The following STAG1 variants were observed in gnomAD, a reference collection of about 807,000 sequenced individuals.
The protein encoded by STAG1 is STAG1 cohesin complex component.
Under a neutral mutation model 170.9 loss-of-function variants are expected in STAG1, and 26 were observed. That is an observed-to-expected ratio of 0.15 (90% CI 0.11 to 0.21). STAG1 has a LOEUF of 0.21. Among genes scored for constraint, STAG1 ranks in the 10% least tolerant of loss-of-function variants. The pLI, the probability that STAG1 is intolerant of heterozygous loss-of-function variation, is 1.00. For missense variants in STAG1, 964 were observed against 1,509.5 expected (o/e 0.64, Z 5.99); for synonymous variants, 514 against 497.7 (o/e 1.03, Z -0.44).
chr3:136,660,841 C>G (rs531116128), intron 1 of STAG1, among the ~76,000 whole-genome samples: 1 of 152,084 alleles, frequency 6.6e-6, no homozygotes, highest in Admixed American at 6.6e-5. Flanking sequence ...TAGTGGTACA[C>G]GCCTGTAGTC....
chr3:136,464,344 A>T (rs1460773173), intron 13 of STAG1, among the ~76,000 whole-genome samples: 1 of 151,952 alleles, frequency 6.6e-6, no homozygotes, highest in Non-Finnish European at 1.5e-5. Flanking sequence ...AATCGCTTGA[A>T]CCTGGGAGGC....
chr3:136,379,149 T>A (rs981458778), intron 22 of STAG1, among the ~76,000 whole-genome samples: 2 of 152,184 alleles, frequency 1.3e-5, no homozygotes, highest in African/African-American at 2.4e-5. Flanking sequence ...AAATATCTAA[T>A]AACTAAACTT....
intron 9 of STAG1, among the ~76,000 whole-genome samples, chr3:136,496,163 CA>C (rs1030925384): frequency 6.6e-6 from 1 of 151,526 alleles, no homozygotes; most frequent in Admixed American, 6.6e-5. Flanking sequence ...AACAAACAAA[CA>C]AAAAAACCCC....
At chr3:136,469,722 T>G (rs544393437) in intron 12 of STAG1, among the ~76,000 whole-genome samples, 4 of 152,312 alleles carry the variant, frequency 2.6e-5, no homozygotes, top group Non-Finnish European at 5.9e-5. Flanking sequence ...TCAGGCTATC[T>G]GACTTCAAAC....
At chr3:136,627,142 C>G (rs1331680378) in intron 2 of STAG1, among the ~76,000 whole-genome samples, 1 of 152,228 alleles carries the variant, frequency 6.6e-6, no homozygotes, top group African/African-American at 2.4e-5. Context: ...ATGCTGCCAA[C>G]TGCAGTCAGC....
intron 2 of STAG1, among the ~76,000 whole-genome samples, chr3:136,624,669 T>TTG (rs2107832690): frequency 6.6e-6 from 1 of 152,340 alleles, no homozygotes; most frequent in African/African-American, 2.4e-5. Flanking sequence ...TCTGCATTGT[T>TTG]AACAATTTCT....
intron 1 of STAG1, among the ~76,000 whole-genome samples, chr3:136,667,516 ATTGT>A (rs1941828121): frequency 6.6e-6 from 1 of 152,166 alleles, no homozygotes; most frequent in African/African-American, 2.4e-5. Context: ...GAAGGGGTGG[ATTGT>A]TTATTTTTCA....
intron 12 of STAG1, among the ~76,000 whole-genome samples, chr3:136,471,965 G>A (rs553469924): frequency 1.3e-5 from 2 of 152,080 alleles, no homozygotes; most frequent in Non-Finnish European, 2.9e-5. Flanking sequence ...AGCCTCCTAA[G>A]TAGCTAGGAC....
intron 22 of STAG1, among the ~76,000 whole-genome samples, chr3:136,378,840 A>G (rs1937763560): frequency 6.6e-6 from 1 of 152,208 alleles, no homozygotes; most frequent in Non-Finnish European, 1.5e-5. Flanking sequence ...ACTAATGAGT[A>G]AGACACATGC....
At chr3:136,731,599 A>G (rs1934044998) in intron 1 of STAG1, among the ~76,000 whole-genome samples, 1 of 152,232 alleles carries the variant, frequency 6.6e-6, no homozygotes, top group South Asian at 2.1e-4. Flanking sequence ...TTTCCGAAGA[A>G]GGTACTACCT....
At chr3:136,435,969 G>A (rs1340809862) in intron 15 of STAG1, among the ~76,000 whole-genome samples, 1 of 151,334 alleles carries the variant, frequency 6.6e-6, no homozygotes, top group Non-Finnish European at 1.5e-5. Context: ...CACCCAGCCT[G>A]TTTTTTTTGA....
chr3:136,506,637 C>G (rs1933780260), intron 7 of STAG1, among the ~76,000 whole-genome samples: 1 of 138,090 alleles, frequency 7.2e-6, no homozygotes, highest in Non-Finnish European at 1.5e-5. Flanking sequence ...CACAGCAAGA[C>G]TCCACCTCAA....
intron 8 of STAG1, among the ~76,000 whole-genome samples, chr3:136,501,474 A>C (rs913739606): frequency 1.3e-5 from 2 of 152,162 alleles, no homozygotes; most frequent in Non-Finnish European, 2.9e-5. Flanking sequence ...TTGGGGACAA[A>C]CATACACACA....
rs149484777 is a variant in STAG1, at chr3:136,450,406, C to T, written c.1428+1627G>A. Among the ~76,000 whole-genome samples, 11 of 152,314 alleles carry T rather than the reference C, an allele frequency of 7.2e-5. No individual in the cohort carries two copies. In the East Asian group the frequency reaches 2.1e-3, roughly 29 times the overall value. On this transcript the variant is annotated intron_variant, in intron 14 of 33. Coordinates refer to ENST00000383202, the MANE Select transcript of STAG1 (RefSeq NM_005862.3). ...ACATTCTTTACTCAAATTCAACTCT[C>T]TAGCTAGTTTTGTTTCTGACTTTAT...
At chr3:136,537,397 C>T (rs1935682120) in intron 6 of STAG1, among the ~76,000 whole-genome samples, 1 of 151,970 alleles carries the variant, frequency 6.6e-6, no homozygotes, top group African/African-American at 2.4e-5. Flanking sequence ...AAGGAGCTGA[C>T]AGTAGAAATG....
chr3:136,420,243 T>TCAA (rs2087912042), intron 20 of STAG1, among the ~76,000 whole-genome samples: 2 of 59,602 alleles, frequency 3.4e-5, no homozygotes, highest in Admixed American at 5.2e-4. Context: ...TGAGACTCTG[T>TCAA]CAAAAAAAAA....
chr3:136,549,987 A>C (rs991247528), intron 5 of STAG1, among the ~76,000 whole-genome samples: 1 of 152,060 alleles, frequency 6.6e-6, no homozygotes, highest in Non-Finnish European at 1.5e-5. Flanking sequence ...ATTGACTTTC[A>C]TTTGGTGAAT....
intron 1 of STAG1, among the ~76,000 whole-genome samples, chr3:136,728,457 C>T (rs1301346201): frequency 6.6e-6 from 1 of 152,080 alleles, no homozygotes; most frequent in Non-Finnish European, 1.5e-5. Flanking sequence ...CTAATTACTA[C>T]CTATATAACC....
intron 22 of STAG1, among the ~76,000 whole-genome samples, chr3:136,396,336 G>A (rs1333639837): frequency 6.7e-6 from 1 of 149,628 alleles, no homozygotes; most frequent in Non-Finnish European, 1.5e-5. Context: ...TCCTGCCTCA[G>A]CCTCCTGAGT....
Sources: allele counts gnomAD v4.1 joint callset (sites outside exome capture counted in the v4.1 genomes callset), GRCh38; gene constraint gnomAD v4.1.1; transcripts MANE v1.5; gene names NCBI Gene and HGNC (gene_info 2026-07-23, HGNC 2026-07-21).